Variants in ACER3 observed in about 807,000 individuals in gnomAD.
ACER3 encodes alkCDase 3.
Under a neutral mutation model 48.9 loss-of-function variants are expected in ACER3, and 16 were observed. The observed-to-expected ratio is 0.33, with a 90% CI of 0.22 to 0.50. The LOEUF is 0.50. Ranked by LOEUF, ACER3 falls within the 20% of genes least tolerant of loss-of-function variation. ACER3 has a pLI of 0.98. For synonymous variants in ACER3, 109 were observed against 107.8 expected (o/e 1.01, Z -0.07); for missense variants, 227 against 326.0 (o/e 0.70, Z 2.34).
intron 1 of ACER3, among the ~76,000 whole-genome samples, chr11:76,910,287 A>T (rs1371758820): frequency 6.6e-6 from 1 of 152,192 alleles, no homozygotes; most frequent in African/African-American, 2.4e-5. Flanking sequence ...ATAATAAAAA[A>T]TTATGATTTT....
intron 2 of ACER3, among the ~76,000 whole-genome samples, chr11:76,937,236 G>A (rs1487922856): frequency 6.6e-6 from 1 of 152,114 alleles, no homozygotes; most frequent in South Asian, 2.1e-4. Flanking sequence ...ACACTATTTT[G>A]GCAAGGCTGT....
At chr11:76,949,335 T>A (rs1717175587) in intron 2 of ACER3, among the ~76,000 whole-genome samples, 1 of 152,176 alleles carries the variant, frequency 6.6e-6, no homozygotes, top group Admixed American at 6.5e-5. Context: ...GGGAAACGTA[T>A]CCCTATTACT....
chr11:76,909,486 A>G (rs1946315587), intron 1 of ACER3, among the ~76,000 whole-genome samples: 1 of 152,250 alleles, frequency 6.6e-6, no homozygotes, highest in Admixed American at 6.5e-5. Context: ...TTTCAAAAGA[A>G]GACATTTATA....
chr11:76,937,095 A>C (rs1473697867), intron 2 of ACER3, among the ~76,000 whole-genome samples: 5 of 152,240 alleles, frequency 3.3e-5, no homozygotes, highest in Non-Finnish European at 7.3e-5. Context: ...ATTCTCCAAG[A>C]AAGATATAAA....
At chr11:76,907,327 C>T (rs987098338) in intron 1 of ACER3, among the ~76,000 whole-genome samples, 2 of 149,394 alleles carry the variant, frequency 1.3e-5, no homozygotes, top group Non-Finnish European at 3.0e-5. Flanking sequence ...GATCACAGCT[C>T]ACTAGACACT....
chr11:76,869,467 T>G (rs1175254303), intron 1 of ACER3, among the ~76,000 whole-genome samples: 2 of 152,260 alleles, frequency 1.3e-5, no homozygotes, highest in East Asian at 3.8e-4. Context: ...GCTATTTATT[T>G]ATTTTTAATT....
chr11:77,013,468 T>A (rs1359027910), intron 7 of ACER3, among the ~76,000 whole-genome samples: 1 of 152,098 alleles, frequency 6.6e-6, no homozygotes, highest in Non-Finnish European at 1.5e-5. Context: ...AATAACTACG[T>A]GAAAGATGCT....
At chr11:76,917,834 T>A (rs1946573353) in intron 1 of ACER3, among the ~76,000 whole-genome samples, 1 of 146,104 alleles carries the variant, frequency 6.8e-6, no homozygotes, top group Non-Finnish European at 1.5e-5. Context: ...GAACTCACTC[T>A]GTGCAACAGA....
chr11:76,912,682 T>C (rs916875529), intron 1 of ACER3, among the ~76,000 whole-genome samples: 2 of 149,034 alleles, frequency 1.3e-5, no homozygotes, highest in African/African-American at 4.8e-5. Flanking sequence ...GGCAGCGCAG[T>C]CGTCAGAAAA....
intron 7 of ACER3, among the ~76,000 whole-genome samples, chr11:76,999,134 A>T (rs1370614800): frequency 6.6e-6 from 1 of 150,422 alleles, no homozygotes; most frequent in African/African-American, 2.5e-5. Context: ...TCCTATAGTT[A>T]AAAAAAAATT....
chr11:76,929,446 G>A (rs964144489), intron 2 of ACER3, among the ~76,000 whole-genome samples: 28 of 152,172 alleles, frequency 1.8e-4, no homozygotes, highest in African/African-American at 6.3e-4. Flanking sequence ...AATTGAATAC[G>A]CTTTATTTCT....
At chr11:76,865,683 A>G (rs1409841679) in intron 1 of ACER3, among the ~76,000 whole-genome samples, 1 of 151,296 alleles carries the variant, frequency 6.6e-6, no homozygotes, top group East Asian at 2.0e-4. Context: ...TAATTTTTGT[A>G]TTTGTAGTAG....
intron 3 of ACER3, among the ~76,000 whole-genome samples, chr11:76,969,203 G>A (rs187414449): frequency 0.015 from 2,340 of 152,238 alleles, 62 homozygotes; most frequent in East Asian, 0.12. Flanking sequence ...AATGCTCATC[G>A]TCACTGGCCA....
At chr11:76,954,513 A>G (rs1184037430) in intron 2 of ACER3, among the ~76,000 whole-genome samples, 1 of 151,988 alleles carries the variant, frequency 6.6e-6, no homozygotes, top group Non-Finnish European at 1.5e-5. Context: ...AGACGAGGTA[A>G]TAACATTATT....
chr11:76,936,194 A>G (rs943798085), intron 2 of ACER3, among the ~76,000 whole-genome samples: 4 of 152,206 alleles, frequency 2.6e-5, no homozygotes, highest in African/African-American at 9.7e-5. Context: ...GTAGATTCGA[A>G]TTAGAATAGT....
At chr11:76,867,894 T>A (rs932864763) in intron 1 of ACER3, among the ~76,000 whole-genome samples, 1 of 152,166 alleles carries the variant, frequency 6.6e-6, no homozygotes, top group Non-Finnish European at 1.5e-5. Flanking sequence ...TCTCTCCCCA[T>A]CCTATTCATA....
rs540924670 is a variant in ACER3, at chr11:76,970,187, T to TTTCCC, written c.268-6101_268-6097dup. Among the ~76,000 whole-genome samples, 9 of 152,258 alleles carry TTTCCC rather than the reference T, an allele frequency of 5.9e-5. No homozygotes were observed. The East Asian group carries it at 1.7e-3, about 29-fold the overall frequency. On this transcript the variant is annotated intron_variant, in intron 3 of 10. Transcript: ENST00000532485. Reference sequence around the variant, plus strand: ...TTATAACGAGGCATGTCGGACCTCCTTTCCCCATCATGGCTAAAAATTCAG... The same window carrying TTTCCC: ...TTATAACGAGGCATGTCGGACCTCCTTTCCCTTCCCCATCATGGCTAAAAATTCAG...
chr11:77,013,806 A>G (rs1374999766), intron 7 of ACER3, among the ~76,000 whole-genome samples: 1 of 152,242 alleles, frequency 6.6e-6, no homozygotes, highest in Non-Finnish European at 1.5e-5. Flanking sequence ...TATTTGTAAC[A>G]GTCAAAAACT....
chr11:76,866,179 T>G (rs1945086556), intron 1 of ACER3, among the ~76,000 whole-genome samples: 1 of 152,146 alleles, frequency 6.6e-6, no homozygotes, highest in African/African-American at 2.4e-5. Context: ...AGCATTCTTA[T>G]GGTTAGCTAT....
Sources: gnomAD v4.1 joint callset for allele counts (sites outside exome capture counted in the v4.1 genomes callset) on GRCh38, gnomAD v4.1.1 for gene constraint, MANE v1.5 for transcripts, NCBI Gene and HGNC (gene_info 2026-07-23, HGNC 2026-07-21) for gene names.